ROBO2: variants seen among roughly 807,000 people sequenced by gnomAD.
The protein encoded by ROBO2 is roundabout homolog 2.
ROBO2 carries 53 observed loss-of-function variants against 160.8 expected under a neutral mutation model. The ratio of observed to expected loss-of-function variants is 0.33; its 90% CI spans 0.26 to 0.41. The LOEUF is 0.41. Ranked by LOEUF, ROBO2 falls within the 10% of genes least tolerant of loss-of-function variation. The probability of loss-of-function intolerance (pLI) is 1.00; values close to 1 mark genes in which losing one functional copy is unlikely to be tolerated. For missense variants in ROBO2, 1,577 were observed against 1,722.4 expected (o/e 0.92, Z 1.49); for synonymous variants, 664 against 611.7 (o/e 1.09, Z -1.26).
chr3:76,451,467 C>T (rs966426452), intron 2 of ROBO2, among the ~76,000 whole-genome samples: 17 of 152,064 alleles, frequency 1.1e-4, no homozygotes, highest in African/African-American at 4.1e-4. Flanking sequence ...CCATATTTGC[C>T]ATCTGTGAAA....
chr3:76,955,888 C>CAAAAAA (rs35674535), intron 2 of ROBO2, among the ~76,000 whole-genome samples: 1 of 124,078 alleles, frequency 8.1e-6, no homozygotes. Flanking sequence ...GAGACTCCGT[C>CAAAAAA]AAAAAAAAAA....
chr3:77,189,613 T>A (rs751464529), intron 2 of ROBO2, among the ~76,000 whole-genome samples: 10 of 151,954 alleles, frequency 6.6e-5, no homozygotes, highest in Non-Finnish European at 1.5e-4. Context: ...ACAAGTGGTC[T>A]TTAGAATATG....
At chr3:76,634,545 G>A (rs1290998690) in intron 2 of ROBO2, among the ~76,000 whole-genome samples, 3 of 150,490 alleles carry the variant, frequency 2.0e-5, no homozygotes, top group Non-Finnish European at 3.0e-5. Context: ...TCCAGCCTGG[G>A]CAACAAAGTG....
chr3:76,881,717 C>A (rs2148749575), intron 2 of ROBO2, among the ~76,000 whole-genome samples: 1 of 152,328 alleles, frequency 6.6e-6, no homozygotes, highest in African/African-American at 2.4e-5. Flanking sequence ...TTCTCTTACT[C>A]AAAATGCTTA....
chr3:77,539,262 T>C (rs911482502), intron 6 of ROBO2, among the ~76,000 whole-genome samples: 7 of 152,184 alleles, frequency 4.6e-5, no homozygotes, highest in African/African-American at 1.7e-4. Flanking sequence ...ACAATGTCTT[T>C]ATTTGTCTGT....
At chr3:76,434,247 C>T (rs531228992) in intron 2 of ROBO2, 146 of 1,008,140 alleles carry the variant, frequency 1.4e-4, no homozygotes, top group South Asian at 3.9e-4. Context: ...GACGTTGGAG[C>T]GAGCGCTGTT....
chr3:77,472,137 G>T (rs184538558), intron 2 of ROBO2, among the ~76,000 whole-genome samples: 2 of 152,252 alleles, frequency 1.3e-5, no homozygotes, highest in East Asian at 3.9e-4. Flanking sequence ...GCAAAAACAT[G>T]AAGGTCACAA....
At chr3:76,163,062 G>T (rs1168480694) in intron 2 of ROBO2, among the ~76,000 whole-genome samples, 1 of 152,078 alleles carries the variant, frequency 6.6e-6, no homozygotes, top group East Asian at 1.9e-4. Flanking sequence ...TCTCCCATTA[G>T]TCTAAAACAT....
At chr3:77,628,445 T>TGG (rs1238777513) in intron 23 of ROBO2, among the ~76,000 whole-genome samples, 1 of 87,420 alleles carries the variant, frequency 1.1e-5, no homozygotes, top group South Asian at 5.3e-4. Flanking sequence ...TCTCTCTTTT[T>TGG]GTGGGGGGGG....
chr3:77,458,737 A>G (rs1369564922), intron 2 of ROBO2, among the ~76,000 whole-genome samples: 1 of 152,202 alleles, frequency 6.6e-6, no homozygotes, highest in Non-Finnish European at 1.5e-5. Context: ...AGCATGGCAT[A>G]ATAACTGATT....
intron 23 of ROBO2, among the ~76,000 whole-genome samples, chr3:77,625,861 A>G (rs1208712407): frequency 6.6e-6 from 1 of 152,162 alleles, no homozygotes; most frequent in East Asian, 1.9e-4. Context: ...TTACAGAAAA[A>G]AGTTTGCTGA....
intron 2 of ROBO2, among the ~76,000 whole-genome samples, chr3:76,826,377 A>G (rs1358311173): frequency 6.6e-6 from 1 of 152,120 alleles, no homozygotes; most frequent in East Asian, 1.9e-4. Flanking sequence ...CTGCAGAGAT[A>G]TGGTTGTAGT....
chr3:76,680,128 A>G (rs542418088), intron 2 of ROBO2, among the ~76,000 whole-genome samples: 2 of 152,240 alleles, frequency 1.3e-5, no homozygotes, highest in African/African-American at 2.4e-5. Flanking sequence ...GGCACCTAAA[A>G]CCTCAAATTC....
At chr3:76,399,783 G>A (rs538139432) in intron 2 of ROBO2, among the ~76,000 whole-genome samples, 1 of 151,776 alleles carries the variant, frequency 6.6e-6, no homozygotes, top group African/African-American at 2.4e-5. Flanking sequence ...ATTCATGAAT[G>A]TTTTCTTGTA....
At chr3:77,213,059 G>A (rs930216821) in intron 2 of ROBO2, among the ~76,000 whole-genome samples, 21 of 152,016 alleles carry the variant, frequency 1.4e-4, no homozygotes, top group African/African-American at 3.9e-4. Context: ...TGTCTCTGCC[G>A]GGCTTTGGTA....
intron 8 of ROBO2, among the ~76,000 whole-genome samples, chr3:77,553,597 T>C (rs2093002188): frequency 6.6e-6 from 1 of 151,926 alleles, no homozygotes; most frequent in Admixed American, 6.6e-5. Context: ...AAAGTAAAAG[T>C]GCTACTCCAG....
intron 2 of ROBO2, among the ~76,000 whole-genome samples, chr3:76,379,732 A>C (rs1342372683): frequency 6.6e-6 from 1 of 152,176 alleles, no homozygotes; most frequent in East Asian, 1.9e-4. Flanking sequence ...ATGCTTGAAA[A>C]TCCTTTTCCA....
intron 2 of ROBO2, among the ~76,000 whole-genome samples, chr3:75,991,863 C>T (rs1028194538): frequency 1.3e-5 from 2 of 152,022 alleles, no homozygotes; most frequent in East Asian, 1.9e-4. Flanking sequence ...GAACTAGACT[C>T]GTTCAGAAAA....
At chr3:76,637,154 G>A (rs867923112) in intron 2 of ROBO2, among the ~76,000 whole-genome samples, 1 of 152,122 alleles carries the variant, frequency 6.6e-6, no homozygotes, top group African/African-American at 2.4e-5. Flanking sequence ...CTATACAGCA[G>A]TGTTCACAAC....
Sources: gnomAD v4.1 joint callset for allele counts (sites outside exome capture counted in the v4.1 genomes callset) on GRCh38, gnomAD v4.1.1 for gene constraint, MANE v1.5 for transcripts, NCBI Gene and HGNC (gene_info 2026-07-23, HGNC 2026-07-21) for gene names.